CNIH3: variants seen among roughly 807,000 people sequenced by gnomAD.
CNIH3 encodes protein cornichon homolog 3.
CNIH3 carries 14 observed loss-of-function variants against 24.1 expected under a neutral mutation model. That is an observed-to-expected ratio of 0.58 (90% confidence interval 0.38 to 0.91). The LOEUF (loss-of-function observed/expected upper bound fraction) is 0.91. Ranked by LOEUF, CNIH3 falls within the 40% of genes least tolerant of loss-of-function variation. The pLI is 0.00. For missense variants in CNIH3, 178 were observed against 196.8 expected (o/e 0.90, Z 0.57); for synonymous variants, 68 against 73.8 (o/e 0.92, Z 0.40).
chr1:224,725,517 T>G (rs1325235835), intron 3 of CNIH3, among the ~76,000 whole-genome samples: 1 of 152,206 alleles, frequency 6.6e-6, no homozygotes, highest in Non-Finnish European at 1.5e-5. Context: ...ACAGGGGCAT[T>G]CAGAGATGGG....
At chr1:224,519,077 G>A (rs1392108700) in intron 1 of CNIH3, among the ~76,000 whole-genome samples, 3 of 152,214 alleles carry the variant, frequency 2.0e-5, no homozygotes, top group South Asian at 2.1e-4. Flanking sequence ...TGTTAGCATA[G>A]CACTTGGCAT....
In CNIH3 at chr1:224,457,511, A is replaced by ATTT. The variant is rs943521801; in HGVS notation, n.203+22669_203+22671dup. ...CTGAATGGGAATCTGTGGTCTGGGG[A>ATTT]TTTTTTTTTTTTTTTTTTTTTTGTC... is the stretch of plus-strand genomic sequence containing the variant. On this transcript the variant is annotated intron_variant and non_coding_transcript_variant, in intron 1 of 5. Coordinates refer to the CNIH3 transcript ENST00000471578. 5.8e-4 allele frequency among the ~76,000 whole-genome samples: 65 copies of ATTT among 111,196 alleles called. 2 individuals carry two copies. The highest frequency in any genetic ancestry group is 1.3e-3 in the African/African-American group (37 of 27,894). The allele number at this position is 111,196 out of a possible 152,430, so 72.9% of individuals were successfully genotyped here.
chr1:224,521,518 G>A (rs1218443059), intron 2 of CNIH3: 1 of 152,174 alleles, frequency 6.6e-6, no homozygotes. Flanking sequence ...ATTCCAGTGT[G>A]AGCACATGAT....
intron 1 of CNIH3, among the ~76,000 whole-genome samples, chr1:224,651,832 T>C (rs555266900): frequency 4.6e-5 from 7 of 152,346 alleles, no homozygotes; most frequent in African/African-American, 1.7e-4. Flanking sequence ...TTCAATGGGA[T>C]AAATCCTCAG....
intron 1 of CNIH3, among the ~76,000 whole-genome samples, chr1:224,473,423 C>A (rs577587150): frequency 6.6e-6 from 1 of 152,098 alleles, no homozygotes; most frequent in Admixed American, 6.6e-5. Context: ...AAAACAAGAC[C>A]CAGTGATCTG....
chr1:224,694,674 A>AC (rs1687080829), intron 3 of CNIH3, among the ~76,000 whole-genome samples: 1 of 152,244 alleles, frequency 6.6e-6, no homozygotes, highest in Admixed American at 6.5e-5. Context: ...AAATTATGGA[A>AC]CCAACCTAAA....
At chr1:224,613,423 G>A (rs1380532506), upstream of CNIH3, among the ~76,000 whole-genome samples, 1 of 152,186 alleles carries the variant, frequency 6.6e-6, no homozygotes, top group Admixed American at 6.5e-5. Context: ...AGCTGTCCAG[G>A]GTCTTGTGCT....
intron 4 of CNIH3, among the ~76,000 whole-genome samples, chr1:224,576,194 G>A (rs1681028861): frequency 6.6e-6 from 1 of 152,198 alleles, no homozygotes; most frequent in African/African-American, 2.4e-5. Context: ...GCTACTCTGA[G>A]TAGACAAGTT....
intron 3 of CNIH3, among the ~76,000 whole-genome samples, chr1:224,729,860 C>G (rs914306089): frequency 3.9e-5 from 6 of 152,210 alleles, no homozygotes; most frequent in East Asian, 1.9e-4. Flanking sequence ...CCTCTTCCCC[C>G]AGAGGCTACA....
chr1:224,442,784 A>G (rs1572247440), intron 1 of CNIH3, among the ~76,000 whole-genome samples: 2 of 152,330 alleles, frequency 1.3e-5, no homozygotes, highest in African/African-American at 4.8e-5. Flanking sequence ...TGTGTTCTCA[A>G]CACCTTCATT....
chr1:224,595,988 G>A (rs550400661), intron 3 of CNIH3, among the ~76,000 whole-genome samples: 2 of 152,344 alleles, frequency 1.3e-5, no homozygotes, highest in African/African-American at 4.8e-5. Flanking sequence ...ACACATGCAA[G>A]GTGAAGCCAC....
At chr1:224,717,653 C>T (rs1688496717) in intron 3 of CNIH3, 1 of 152,220 alleles carries the variant, frequency 6.6e-6, no homozygotes, top group Admixed American at 6.5e-5. Context: ...ATTGTAAGGT[C>T]TTTGCTGGGC....
intron 3 of CNIH3, among the ~76,000 whole-genome samples, chr1:224,729,648 A>C (rs943003819): frequency 6.6e-6 from 1 of 151,918 alleles, no homozygotes; most frequent in African/African-American, 2.4e-5. Context: ...TAGGTGCCAA[A>C]TTTCTTCCTT....
intron 3 of CNIH3, among the ~76,000 whole-genome samples, chr1:224,597,174 CA>C (rs71725215): frequency 0.35 from 51,687 of 146,824 alleles, 9,203 homozygotes; most frequent in East Asian, 0.53. Context: ...AACAAACAAA[CA>C]AAAAAAAAAA....
chr1:224,516,706 GATAAGCCATTCGGCGC>G (rs1334651504), intron 1 of CNIH3, among the ~76,000 whole-genome samples: 2 of 152,354 alleles, frequency 1.3e-5, no homozygotes, highest in African/African-American at 4.8e-5. Context: ...TGCAAGAGCA[GATAAGCCATTCGGCGC>G]CTGCCATGGA....
At chr1:224,469,254 A>C (rs1021437568) in intron 1 of CNIH3, among the ~76,000 whole-genome samples, 3 of 150,934 alleles carry the variant, frequency 2.0e-5, no homozygotes, top group Non-Finnish European at 4.4e-5. Context: ...CTAATTTTTA[A>C]TTTTTTTTGT....
chr1:224,668,706 G>A (rs1685718252), intron 1 of CNIH3, among the ~76,000 whole-genome samples: 1 of 152,148 alleles, frequency 6.6e-6, no homozygotes, highest in South Asian at 2.1e-4. Context: ...CCAAAAGGAT[G>A]TGTGGAAGGT....
chr1:224,646,115 A>G (rs955188150), intron 1 of CNIH3, among the ~76,000 whole-genome samples: 5 of 152,230 alleles, frequency 3.3e-5, no homozygotes, highest in Non-Finnish European at 5.9e-5. Flanking sequence ...CTCACGGTCT[A>G]AGATAGTAAC....
intron 1 of CNIH3, among the ~76,000 whole-genome samples, chr1:224,499,377 T>C (rs1677563845): frequency 6.6e-6 from 1 of 152,172 alleles, no homozygotes; most frequent in East Asian, 1.9e-4. Flanking sequence ...TCTTCCCCAC[T>C]CCAGGCCATG....
Sources: gnomAD v4.1 joint callset for allele counts (sites outside exome capture counted in the v4.1 genomes callset) on GRCh38, gnomAD v4.1.1 for gene constraint, MANE v1.5 for transcripts, NCBI Gene and HGNC (gene_info 2026-07-23, HGNC 2026-07-21) for gene names.